The following GRAMD1B variants were observed in gnomAD, a reference collection of about 807,000 sequenced individuals.
GRAMD1B encodes protein Aster-B.
In GRAMD1B, 37 loss-of-function variants were observed where a neutral mutation model predicts 99.7. The ratio of observed to expected loss-of-function variants is 0.37; its 90% CI spans 0.29 to 0.49. The LOEUF is 0.49. GRAMD1B is among the 20% of genes least tolerant of loss of function. The pLI, the probability that GRAMD1B is intolerant of heterozygous loss-of-function variation, is 0.98. For synonymous variants in GRAMD1B, 427 were observed against 387.6 expected, an observed-to-expected ratio of 1.10 and a Z score of -1.19; for missense variants, 888 against 1,009.2, an observed-to-expected ratio of 0.88 and a Z score of 1.63.
chr11:123,619,586 G>T, intron 19 of GRAMD1B: 1 of 1,121,106 alleles, frequency 8.9e-7, no homozygotes, highest in South Asian at 1.8e-5. Flanking sequence ...CTTCCCAGAG[G>T]GCATGTCTTT....
At chr11:123,445,810 C>T (rs1385546583) in intron 1 of GRAMD1B, among the ~76,000 whole-genome samples, 3 of 97,240 alleles carry the variant, frequency 3.1e-5, no homozygotes, top group African/African-American at 1.3e-4. Context: ...CAGAGTGACA[C>T]TTGTCTCCAA....
chr11:123,565,190 G>A (rs1032699699), intron 2 of GRAMD1B, among the ~76,000 whole-genome samples: 5 of 149,978 alleles, frequency 3.3e-5, no homozygotes, highest in African/African-American at 9.8e-5. Context: ...CTGCCAGCAC[G>A]CCTGGCTAAT....
chr11:123,589,522 C>A (rs1337327353), intron 4 of GRAMD1B, among the ~76,000 whole-genome samples: 1 of 151,600 alleles, frequency 6.6e-6, no homozygotes, highest in Non-Finnish European at 1.5e-5. Context: ...CCGCTCACTG[C>A]AACCTCCACC....
intron 1 of GRAMD1B, among the ~76,000 whole-genome samples, chr11:123,378,321 A>G (rs1313596648): frequency 1.3e-5 from 2 of 152,254 alleles, no homozygotes; most frequent in East Asian, 1.9e-4. Context: ...TTAAATTCCC[A>G]GCTCTGCTAC....
intron 2 of GRAMD1B, among the ~76,000 whole-genome samples, chr11:123,484,371 G>T (rs1350345723): frequency 6.6e-6 from 1 of 152,068 alleles, no homozygotes; most frequent in African/African-American, 2.4e-5. Flanking sequence ...TCTGCCTTTT[G>T]TTTGGTATTT....
chr11:123,593,362 CAG>C (rs1950894202), intron 4 of GRAMD1B, among the ~76,000 whole-genome samples: 1 of 152,094 alleles, frequency 6.6e-6, no homozygotes. Flanking sequence ...TATCATGTTG[CAG>C]TGGGGGGAAG....
At position 123,492,278 on chromosome 11, in the gene GRAMD1B, C is replaced by T. The variant is rs1330297724; in HGVS notation, c.452+11385C>T. Among the ~76,000 whole-genome samples, 1 of 152,120 alleles carries T rather than the reference C, an allele frequency of 6.6e-6. No homozygotes were observed. The highest frequency in any genetic ancestry group is 2.4e-5 in the African/African-American group (1 of 41,438). ...ATCCTGAGAAAGGTGCGGTAGGGAACAGTGTAGTCTGCCTGTGTAGCATCC... is the reference window on the plus strand; with the variant it reads ...ATCCTGAGAAAGGTGCGGTAGGGAATAGTGTAGTCTGCCTGTGTAGCATCC... On this transcript the variant is annotated intron_variant, in intron 2 of 19. Coordinates refer to ENST00000635736, the MANE Select transcript of GRAMD1B (RefSeq NM_001387025.1). The surrounding 1 kb of genome is among the most constrained non-coding windows in gnomAD (Gnocchi z 4.2).
chr11:123,619,431 C>A, intron 19 of GRAMD1B: 20 of 1,377,726 alleles, frequency 1.5e-5, no homozygotes, highest in Non-Finnish European at 1.7e-5. Flanking sequence ...AAAATAAGAA[C>A]AATAAAATGA....
chr11:123,488,356 C>T (rs1424918347), intron 2 of GRAMD1B, among the ~76,000 whole-genome samples: 3 of 152,104 alleles, frequency 2.0e-5, no homozygotes, highest in Admixed American at 6.5e-5. Flanking sequence ...CTAGCCCCTC[C>T]GGGGCTGTGG....
intron 1 of GRAMD1B, among the ~76,000 whole-genome samples, chr11:123,424,233 G>C (rs1437643019): frequency 1.4e-5 from 2 of 142,066 alleles, no homozygotes; most frequent in African/African-American, 5.3e-5. Context: ...ATACAGGTTA[G>C]TAATGCAGTC....
chr11:123,482,876 T>C (rs1301477158), intron 2 of GRAMD1B, among the ~76,000 whole-genome samples: 9 of 152,098 alleles, frequency 5.9e-5, no homozygotes, highest in African/African-American at 2.2e-4. Flanking sequence ...CTGGCCAACA[T>C]GGGGAAGCCC....
chr11:123,362,199 G>A (rs1946168009), intron 1 of GRAMD1B, among the ~76,000 whole-genome samples: 1 of 152,198 alleles, frequency 6.6e-6, no homozygotes, highest in Non-Finnish European at 1.5e-5. Context: ...GAGCATCACA[G>A]GTGAATAACC....
At chr11:123,609,646 C>G in intron 12 of GRAMD1B, 149 bp from the exon 13 acceptor site, 1 of 591,298 alleles carries the variant, frequency 1.7e-6, no homozygotes, top group Non-Finnish European at 3.1e-6. Context: ...TCTTCCCACC[C>G]TCCCCCCGGC....
In GRAMD1B at chr11:123,422,362, A is replaced by G. The variant is rs148073063; in HGVS notation, c.-175-58454A>G. 6.1e-3 allele frequency among the ~76,000 whole-genome samples: 934 copies of G among 152,356 alleles called. 12 individuals are homozygous for G. Among genetic ancestry groups the G allele is most frequent in the African/African-American group, 0.022 (897 of 41,586 alleles). ...TACTGCCTCAAGATGCATTGTTTGCAGAAAGATAAACCTCTCAAGGTACAG... is the reference window on the plus strand; with the variant it reads ...TACTGCCTCAAGATGCATTGTTTGCGGAAAGATAAACCTCTCAAGGTACAG... On this transcript the variant is annotated intron_variant, in intron 1 of 20. Coordinates refer to the GRAMD1B transcript ENST00000638157.
chr11:123,615,759 T>C (rs1954288007), intron 17 of GRAMD1B, among the ~76,000 whole-genome samples: 1 of 152,246 alleles, frequency 6.6e-6, no homozygotes, highest in Non-Finnish European at 1.5e-5. Flanking sequence ...GATGTGGTCC[T>C]GGAGCTCAGA....
At chr11:123,483,741 G>A (rs1951738909) in intron 2 of GRAMD1B, among the ~76,000 whole-genome samples, 1 of 152,152 alleles carries the variant, frequency 6.6e-6, no homozygotes, top group Non-Finnish European at 1.5e-5. Context: ...AGGGGGGACT[G>A]CTGTAATCTC....
At chr11:123,622,113 C>T (rs1281712356) in intron 19 of GRAMD1B, among the ~76,000 whole-genome samples, 3 of 151,944 alleles carry the variant, frequency 2.0e-5, no homozygotes, top group South Asian at 2.1e-4. Context: ...TGCAAACTCC[C>T]GGGTTCAAGC....
Position 123,393,773 on chromosome 11 carries a change from A to G in GRAMD1B, c.-176+34974A>G, listed in dbSNP as rs553006926. Among the ~76,000 whole-genome samples the G allele has an allele frequency of 4.6e-5, 7 of 152,254 alleles. No homozygotes were observed. In the East Asian group the frequency reaches 1.3e-3, roughly 29 times the overall value. Reference sequence around the variant, plus strand: ...TGGTTACCCAGGTCCACCCTCTTCAATGTGGAAGGGGACTGACTACACAGG... The same window carrying G: ...TGGTTACCCAGGTCCACCCTCTTCAGTGTGGAAGGGGACTGACTACACAGG... On this transcript the variant is annotated intron_variant, in intron 1 of 20. Coordinates refer to the GRAMD1B transcript ENST00000638157.
At chr11:123,478,405 A>G (rs1951414492) in intron 1 of GRAMD1B, among the ~76,000 whole-genome samples, 1 of 152,170 alleles carries the variant, frequency 6.6e-6, no homozygotes, top group Non-Finnish European at 1.5e-5. Flanking sequence ...TTTGATATTT[A>G]TTTGAAACCA....
Sources: allele counts gnomAD v4.1 joint callset (sites outside exome capture counted in the v4.1 genomes callset), GRCh38; gene constraint gnomAD v4.1.1; non-coding constraint Gnocchi (gnomAD v3.1); transcripts MANE v1.5; gene names NCBI Gene and HGNC (gene_info 2026-07-23, HGNC 2026-07-21).